BMI1: variants seen among roughly 807,000 people sequenced by gnomAD.
BMI1 encodes BMI1 proto-oncogene, polycomb ring finger.
A neutral mutation model predicts 39.1 loss-of-function variants in BMI1; 9 were observed. The ratio of observed to expected loss-of-function variants is 0.23; its 90% confidence interval spans 0.14 to 0.40. The LOEUF is 0.40. Among genes scored for constraint, BMI1 ranks in the 10% least tolerant of loss-of-function variants. The probability of loss-of-function intolerance (pLI) is 1.00; values close to 1 mark genes in which losing one functional copy is unlikely to be tolerated. For synonymous variants in BMI1, 131 were observed against 127.9 expected, an observed-to-expected ratio of 1.02 and a Z score of -0.16; for missense variants, 252 against 390.8, an observed-to-expected ratio of 0.64 and a Z score of 2.99.
intron 8 of BMI1, 53 bp downstream of exon 8, chr10:22,328,751 T>C (rs1327665363): frequency 7.3e-6 from 11 of 1,507,696 alleles, no homozygotes; most frequent in African/African-American, 1.4e-5. Context: ...CAATTTTAAT[T>C]ACATTTTTCA....
Position 22,321,603 on chromosome 10 carries a change from C to T in BMI1, c.-113C>T, listed in dbSNP as rs1378132345. 6.6e-6 allele frequency: 1 copy of T among 152,640 alleles called. No individual in the cohort carries two copies. The highest frequency in any genetic ancestry group is 6.5e-5 in the Admixed American group (1 of 15,280). The allele number at this position is 152,640 out of a possible 1,614,324, so 9.5% of individuals were successfully genotyped here. On this transcript the variant is annotated 5_prime_UTR_variant, in exon 1 of 10. Transcript: ENST00000376663. Reference sequence around the variant, plus strand: ...CGTCTGCAGCTCGCTTCAAGATGGCCGCTTGGCTCGCATTCATTTTCTGCT... The same window carrying T: ...CGTCTGCAGCTCGCTTCAAGATGGCTGCTTGGCTCGCATTCATTTTCTGCT...
chr10:22,325,390 C>A (rs191872150), intron 1 of BMI1, among the ~76,000 whole-genome samples: 1 of 152,308 alleles, frequency 6.6e-6, no homozygotes, highest in Admixed American at 6.5e-5. Flanking sequence ...ACCAAGTCGA[C>A]GTGAAAAGAG....
Position 22,329,370 on chromosome 10 carries a change from C to G in BMI1, c.809C>G (p.Ser270Cys). Residue 270 changes from serine (S) to cysteine (C), a missense_variant, in exon 10 of 10, where the codon TCT becomes TGT. By Grantham distance (112) the Ser-to-Cys change is moderately radical. Coordinates refer to ENST00000376663, the MANE Select transcript of BMI1 (RefSeq NM_005180.9). ...SPAGGIPSTS[S>C]CLPSPSTPVQ... ...GCAGGAGGTATTCCCTCCACCTCTT[C>G]TTGTTTGCCTAGCCCCAGTACTCCA... The G allele has an allele frequency of 6.2e-7, 1 of 1,614,200 alleles. No homozygotes were observed. Among genetic ancestry groups the G allele is most frequent in the Admixed American group, 1.7e-5 (1 of 60,032 alleles).
At chr10:22,326,605 A>G (rs1836158969) in intron 2 of BMI1, 44 bp downstream of exon 2, 2 of 1,594,270 alleles carry the variant, frequency 1.3e-6, no homozygotes, top group Non-Finnish European at 1.7e-6. Flanking sequence ...TGCGTATTTC[A>G]CAGTTCGACC....
chr10:22,326,966 C>G lies in BMI1; in HGVS notation c.189C>G (p.Thr63=). Reference sequence around the variant, plus strand: ...TTTGTGATGTCCAAGTTCACAAGACCAGACCACTACTGAATATAAGGTAGG... The same window carrying G: ...TTTGTGATGTCCAAGTTCACAAGACGAGACCACTACTGAATATAAGGTAGG... ...CPICDVQVHK[T]RPLLNIRSDK... The change falls in exon 3 of 10, where the codon ACC becomes ACG. Residue 63 remains threonine (T), a synonymous_variant. Coordinates refer to ENST00000376663, the MANE Select transcript of BMI1 (RefSeq NM_005180.9). 6.2e-7 allele frequency: 1 copy of G among 1,613,988 alleles called. No individual in the cohort carries two copies. The highest frequency in any genetic ancestry group is 8.5e-7 in the Non-Finnish European group (1 of 1,179,914).
At position 22,330,521 on chromosome 10, in the gene BMI1, T is replaced by C. The variant is rs1360026332; in HGVS notation, c.*979T>C. The C allele has an allele frequency of 6.6e-6, 1 of 152,232 alleles. No homozygotes were observed. The highest frequency in any genetic ancestry group is 1.5e-5 in the Non-Finnish European group (1 of 68,006). 9.4% of individuals were successfully genotyped at this position (152,232 alleles called of 1,614,324 possible). On this transcript the variant is annotated 3_prime_UTR_variant, in exon 10 of 10. Coordinates refer to ENST00000376663, the MANE Select transcript of BMI1 (RefSeq NM_005180.9). The stretch of plus-strand genomic sequence containing the variant: ...ATGTTTACTTTAAAGATTGTTGCAG[T>C]GAAGAAAAACCTTTAACTGAGAAAT...
chr10:22,322,540 C>T (rs1836032745), intron 1 of BMI1, among the ~76,000 whole-genome samples: 1 of 152,228 alleles, frequency 6.6e-6, no homozygotes, highest in Non-Finnish European at 1.5e-5. Flanking sequence ...GGGAGGTGCT[C>T]CCTGGGAAGT....
chr10:22,329,590 G>C lies in BMI1; in HGVS notation c.*48G>C. On this transcript the variant is annotated 3_prime_UTR_variant, in exon 10 of 10. Coordinates refer to ENST00000376663, the MANE Select transcript of BMI1 (RefSeq NM_005180.9). ...AAATTTTAAACCCCTGATTTATATA[G>C]ATATCTTCATGCCATTACAGCTTTC... 1 of 1,574,702 alleles carries C rather than the reference G, an allele frequency of 6.4e-7. No individual in the cohort carries two copies. Among genetic ancestry groups the C allele is most frequent in the Non-Finnish European group, 8.6e-7 (1 of 1,158,848 alleles).
intron 2 of BMI1, 138 bp from the exon 3 acceptor site, chr10:22,326,752 G>T: frequency 7.6e-7 from 1 of 1,312,354 alleles, no homozygotes; most frequent in Non-Finnish European, 1.1e-6. Flanking sequence ...CAATATATGT[G>T]TTCTCAGGAT....
Position 22,329,984 on chromosome 10 carries a change from A to T in BMI1, c.*442A>T, listed in dbSNP as rs559643594. On this transcript the variant is annotated 3_prime_UTR_variant, in exon 10 of 10. Coordinates refer to ENST00000376663, the MANE Select transcript of BMI1 (RefSeq NM_005180.9). Reference sequence around the variant, plus strand: ...TTTATCTTGAAATTCAACCAACGGAAAGAATATGCATAGAATAATGCATTC... The same window carrying T: ...TTTATCTTGAAATTCAACCAACGGATAGAATATGCATAGAATAATGCATTC... 3.5e-4 allele frequency: 58 copies of T among 165,062 alleles called. No homozygotes were observed. The highest frequency in any genetic ancestry group is 6.0e-4 in the Non-Finnish European group (45 of 75,022). 10.2% of individuals were successfully genotyped at this position (165,062 alleles called of 1,614,324 possible). A position where few individuals can be genotyped will look rare whatever the true frequency, so the allele number is the denominator to read the frequency against.
chr10:22,321,835 G>A lies in BMI1; in HGVS notation c.-20+139G>A, dbSNP rs1478346799. 7.7e-5 allele frequency: 11 copies of A among 142,858 alleles called. No individual in the cohort carries two copies. In the South Asian group the frequency reaches 1.3e-3, roughly 17 times the overall value. The allele number at this position is 142,858 out of a possible 1,614,324, so 8.8% of individuals were successfully genotyped here. A position where few individuals can be genotyped will look rare whatever the true frequency, so the allele number is the denominator to read the frequency against. ...CCGGGAGGGCGCTGACAGCGTGGGC[G>A]CCCGGCCCCGCGCCCCGCGCCGCCC... On this transcript the variant is annotated intron_variant, in intron 1 of 9. Coordinates refer to ENST00000376663, the MANE Select transcript of BMI1 (RefSeq NM_005180.9).
chr10:22,321,876 G>A (rs1588617134), intron 1 of BMI1, among the ~76,000 whole-genome samples, 180 bp downstream of exon 1: 2 of 142,724 alleles, frequency 1.4e-5, no homozygotes, highest in Non-Finnish European at 3.1e-5. Flanking sequence ...GCGCCTGCCG[G>A]CCCCGCGCGC....
chr10:22,323,693 T>C (rs765201842), intron 1 of BMI1, among the ~76,000 whole-genome samples: 3 of 152,244 alleles, frequency 2.0e-5, no homozygotes, highest in Non-Finnish European at 4.4e-5. Context: ...GGCCTCCACC[T>C]AAAAACTGAC....
At chr10:22,327,509 A>G in intron 3 of BMI1, 86 bp from the exon 4 acceptor site, 2 of 1,314,914 alleles carry the variant, frequency 1.5e-6, no homozygotes, top group Non-Finnish European at 2.1e-6. Context: ...AAAATATTAT[A>G]GCACAAAAGA....
In BMI1 at chr10:22,330,868, A is replaced by C. The variant is rs1369437069; in HGVS notation, c.*1326A>C. On this transcript the variant is annotated 3_prime_UTR_variant, in exon 10 of 10. Transcript: ENST00000376663. ...TGAATAACCCCACCCAACAATTTTCAGTTTATTTTTTGCTTTGGTCGAACT... is the reference window on the plus strand; with the variant it reads ...TGAATAACCCCACCCAACAATTTTCCGTTTATTTTTTGCTTTGGTCGAACT... The C allele has an allele frequency of 1.3e-5, 2 of 152,560 alleles. No homozygotes were observed. Among genetic ancestry groups the C allele is most frequent in the Non-Finnish European group, 2.9e-5 (2 of 67,976 alleles). 9.5% of individuals were successfully genotyped at this position (152,560 alleles called of 1,614,324 possible). A position where few individuals can be genotyped will look rare whatever the true frequency, so the allele number is the denominator to read the frequency against.
rs1223657592 is a variant in BMI1, at chr10:22,327,982, G to A, written c.349G>A (p.Val117Ile). ...TGGCTCTAATGAAGATAGAGGAGAG[G>A]TTGCAGATGAAGATAAGAGAATTAT... Reference protein sequence around the residue: ...ANGSNEDRGEVADEDKRIITD... With the variant: ...ANGSNEDRGEIADEDKRIITD... The change falls in exon 6 of 10, where the codon GTT becomes ATT. Residue 117 changes from valine to isoleucine, a missense_variant. By Grantham distance (29) the Val-to-Ile change is conservative (BLOSUM62 3). Transcript: ENST00000376663. 2 of 1,610,474 alleles carry A rather than the reference G, an allele frequency of 1.2e-6. No homozygotes were observed. Among genetic ancestry groups the A allele is most frequent in the Admixed American group, 1.7e-5 (1 of 59,466 alleles).
At position 22,327,935 on chromosome 10, in the gene BMI1, A is replaced by G; in HGVS notation, c.317-15A>G. On this transcript the variant is annotated splice_polypyrimidine_tract_variant and intron_variant, in intron 5 of 9. Transcript: ENST00000376663. ...ATCTGATTTTTAAAAATTACATTTCACTATATCGTTATAGCTGCCAATGGC... is the reference window on the plus strand; with the variant it reads ...ATCTGATTTTTAAAAATTACATTTCGCTATATCGTTATAGCTGCCAATGGC... 6.3e-7 allele frequency: 1 copy of G among 1,589,186 alleles called. No individual in the cohort carries two copies. The highest frequency in any genetic ancestry group is 1.2e-5 in the South Asian group (1 of 85,514).
At chr10:22,327,824 T>C in intron 5 of BMI1, 32 bp downstream of exon 5, 1 of 1,612,840 alleles carries the variant, frequency 6.2e-7, no homozygotes, top group Non-Finnish European at 8.5e-7. Context: ...AGACATTTTA[T>C]ATGGGGGGAG....
chr10:22,322,721 C>G (rs998329732), intron 1 of BMI1, among the ~76,000 whole-genome samples: 1 of 152,198 alleles, frequency 6.6e-6, no homozygotes, highest in Non-Finnish European at 1.5e-5. Flanking sequence ...CATCATGACT[C>G]CAGTCCACTA....
Sources: allele counts gnomAD v4.1 joint callset (sites outside exome capture counted in the v4.1 genomes callset), GRCh38; gene constraint gnomAD v4.1.1; transcripts MANE v1.5; gene names NCBI Gene and HGNC (gene_info 2026-07-23, HGNC 2026-07-21).